The following ANK2 variants were observed in gnomAD, a reference collection of about 807,000 sequenced individuals.
The protein encoded by ANK2 is ankyrin 2, also known as ankyrin-2.
In ANK2, 83 loss-of-function variants were observed where a neutral mutation model predicts 360.5. The observed-to-expected ratio is 0.23, with a 90% CI of 0.19 to 0.28. The LOEUF is 0.28. ANK2 is among the 10% of genes least tolerant of loss of function. The pLI is 1.00. For missense variants in ANK2, 4,201 were observed against 4,795.7 expected (o/e 0.88, Z 3.66); for synonymous variants, 1,740 against 1,759.5 (o/e 0.99, Z 0.28).
rs757225372 is a variant in ANK2, at chr4:113,355,112, A to G, written c.6494A>G (p.His2165Arg). ...GAGGAGACAGAAAAGGCACAGCTTC[A>G]CTTAGACCAAGTACTCACTAGTCCT... Reference protein sequence around the residue: ...LSEETEKAQLHLDQVLTSPFN... With the variant: ...LSEETEKAQLRLDQVLTSPFN... The change falls in exon 38 of 46, where the codon CAC becomes CGC. Residue 2165 changes from histidine (H) to arginine (R), a missense_variant. Physicochemically the swap from His to Arg is conservative, Grantham distance 29. Transcript: ENST00000357077. 2 of 1,614,128 alleles carry G rather than the reference A, an allele frequency of 1.2e-6. No individual in the cohort carries two copies. Among genetic ancestry groups the G allele is most frequent in the Non-Finnish European group, 1.7e-6 (2 of 1,179,984 alleles).
At chr4:113,292,635 T>C in intron 21 of ANK2, 121 bp downstream of exon 21, 4 of 1,113,590 alleles carry the variant, frequency 3.6e-6, no homozygotes, top group South Asian at 2.7e-5. Context: ...CCCTGGACTC[T>C]GGAAAGCCCC....
chr4:113,174,568 A>G (rs1355877954), intron 2 of ANK2, 51 bp downstream of exon 2: 1 of 1,303,378 alleles, frequency 7.7e-7, no homozygotes. Flanking sequence ...AACACTCATT[A>G]CATTCTCAGA....
intron 1 of ANK2, among the ~76,000 whole-genome samples, chr4:112,835,763 A>G (rs1013413165): frequency 1.3e-5 from 2 of 152,222 alleles, no homozygotes; most frequent in Non-Finnish European, 2.9e-5. Flanking sequence ...TGCTCATTAA[A>G]ATGAACTTTC....
intron 2 of ANK2, among the ~76,000 whole-genome samples, chr4:112,975,707 T>G (rs1561368698): frequency 6.6e-6 from 1 of 152,184 alleles, no homozygotes. Context: ...TCCTTTCTTT[T>G]TTTGCCCAAA....
At chr4:113,177,662 A>G (rs1027293370) in intron 2 of ANK2, among the ~76,000 whole-genome samples, 3 of 152,238 alleles carry the variant, frequency 2.0e-5, no homozygotes, top group African/African-American at 7.2e-5. Flanking sequence ...TTCTTATCAT[A>G]TTTATAGACC....
intron 1 of ANK2, among the ~76,000 whole-genome samples, chr4:112,837,150 G>GCACCCTGCATCC (rs2061162687): frequency 1.3e-5 from 2 of 152,304 alleles, no homozygotes; most frequent in Middle Eastern, 3.4e-3. Flanking sequence ...TTGGGACAGG[G>GCACCCTGCATCC]CACCCTGCAT....
intron 1 of ANK2, among the ~76,000 whole-genome samples, chr4:113,098,132 T>C (rs954325612): frequency 6.6e-6 from 1 of 151,372 alleles, no homozygotes. Context: ...AATCCATCAA[T>C]CTAAGCTTTT....
chr4:112,869,185 C>T (rs925512413), intron 1 of ANK2, among the ~76,000 whole-genome samples: 3 of 152,212 alleles, frequency 2.0e-5, no homozygotes, highest in South Asian at 2.1e-4. Flanking sequence ...CCAGAATGGT[C>T]TCAAACTCCT....
chr4:112,991,236 C>CAAAAAAAA (rs10687542), intron 2 of ANK2, among the ~76,000 whole-genome samples: 1 of 122,322 alleles, frequency 8.2e-6, no homozygotes, highest in African/African-American at 3.1e-5. Context: ...GACAGAGCCT[C>CAAAAAAAA]AAAAAAAAAA....
At chr4:112,872,410 T>C (rs2150282561) in intron 1 of ANK2, among the ~76,000 whole-genome samples, 1 of 152,140 alleles carries the variant, frequency 6.6e-6, no homozygotes, top group South Asian at 2.1e-4. Flanking sequence ...TGATCTCGGC[T>C]CACCACAGCC....
chr4:112,947,132 G>A (rs1324800554), intron 2 of ANK2, among the ~76,000 whole-genome samples: 2 of 152,130 alleles, frequency 1.3e-5, no homozygotes, highest in Admixed American at 6.6e-5. Flanking sequence ...CTCTTTGGGG[G>A]TAGGAACCAT....
chr4:112,985,525 A>C (rs940207654), intron 2 of ANK2, among the ~76,000 whole-genome samples: 4 of 152,176 alleles, frequency 2.6e-5, no homozygotes, highest in Non-Finnish European at 5.9e-5. Context: ...TGTATTGAGC[A>C]CAATCCTGCT....
the ANK2 span, among the ~76,000 whole-genome samples, chr4:112,804,652 A>C: frequency 1.3e-5 from 2 of 152,126 alleles, no homozygotes; most frequent in Non-Finnish European, 2.9e-5. Flanking sequence ...GAAGCCAAGA[A>C]TTCAAGACCC....
Position 113,330,226 on chromosome 4 carries a change from T to A in ANK2, c.2901-20T>A. The A allele has an allele frequency of 1.2e-6, 2 of 1,605,716 alleles. No individual in the cohort carries two copies. Among genetic ancestry groups the A allele is most frequent in the Non-Finnish European group, 1.7e-6 (2 of 1,174,182 alleles). On this transcript the variant is annotated intron_variant, in intron 26 of 45. Coordinates refer to ENST00000357077, the MANE Select transcript of ANK2 (RefSeq NM_001148.6). ...CCCCAATATTTCAAAACATATCTAA[T>A]CTTCTATTTTAATTTTTAGTTTCCT...
chr4:113,049,820 G>C lies in ANK2; in HGVS notation c.84+8G>C, dbSNP rs766430801. 6.2e-7 allele frequency: 1 copy of C among 1,613,362 alleles called. No homozygotes were observed. The highest frequency in any genetic ancestry group is 8.5e-7 in the Non-Finnish European group (1 of 1,179,544). ...AGAAAAAGACCCAAGAAGGTAAATC[G>C]CCGGAATTAGGAATGTCTGTGTATA... On this transcript the variant is annotated splice_region_variant and intron_variant, in intron 1 of 45. Transcript: ENST00000357077.
intron 2 of ANK2, among the ~76,000 whole-genome samples, chr4:112,997,423 C>T (rs982255517): frequency 1.3e-5 from 2 of 152,070 alleles, no homozygotes; most frequent in African/African-American, 4.8e-5. Flanking sequence ...CTCTATCCTC[C>T]AAAAACTACT....
chr4:113,085,736 G>A (rs966500283), intron 1 of ANK2, among the ~76,000 whole-genome samples: 1 of 152,196 alleles, frequency 6.6e-6, no homozygotes, highest in Non-Finnish European at 1.5e-5. Context: ...CTGGCTGTGA[G>A]GAACCTGGCT....
intron 2 of ANK2, among the ~76,000 whole-genome samples, chr4:113,016,336 G>A (rs2056609179): frequency 6.6e-6 from 1 of 152,042 alleles, no homozygotes; most frequent in Admixed American, 6.5e-5. Flanking sequence ...TACTCCGGAG[G>A]CACAAACTCT....
chr4:113,325,962 T>C (rs892453633), intron 26 of ANK2, among the ~76,000 whole-genome samples: 2 of 152,182 alleles, frequency 1.3e-5, no homozygotes, highest in African/African-American at 4.8e-5. Flanking sequence ...TTTACTTAAG[T>C]TATTTTCATC....
Sources: gnomAD v4.1 joint callset for allele counts (sites outside exome capture counted in the v4.1 genomes callset) on GRCh38, gnomAD v4.1.1 for gene constraint, MANE v1.5 for transcripts, NCBI Gene and HGNC (gene_info 2026-07-23, HGNC 2026-07-21) for gene names.